ALS2: variants seen among roughly 807,000 people sequenced by gnomAD.
ALS2 encodes alsin.
A neutral mutation model predicts 203.4 loss-of-function variants in ALS2; 117 were observed. The ratio of observed to expected loss-of-function variants is 0.58; its 90% CI spans 0.50 to 0.67. ALS2 has a LOEUF of 0.67. ALS2 is among the 30% of genes least tolerant of loss of function. ALS2 has a pLI of 0.00. For synonymous variants in ALS2, 718 were observed against 725.9 expected (o/e 0.99, Z 0.17); for missense variants, 1,715 against 1,989.4 (o/e 0.86, Z 2.62).
intron 13 of ALS2, among the ~76,000 whole-genome samples, chr2:201,732,521 T>C (rs1188848608): frequency 1.3e-5 from 2 of 151,952 alleles, no homozygotes; most frequent in East Asian, 1.9e-4. Context: ...TGAGCCAAGA[T>C]TGCGCCACTG....
chr2:201,710,861 T>C (rs182271542), intron 26 of ALS2, 130 bp downstream of exon 26: 23 of 673,796 alleles, frequency 3.4e-5, no homozygotes, highest in Admixed American at 2.3e-4. Flanking sequence ...GTTTGATAAT[T>C]AACAAAAGAA....
chr2:201,732,399 C>CAAAAAAAAAAA (rs11288102), intron 13 of ALS2, among the ~76,000 whole-genome samples: 5 of 85,122 alleles, frequency 5.9e-5, no homozygotes, highest in African/African-American at 1.7e-4. Context: ...ACTAAAAATA[C>CAAAAAAAAAAA]AAAAAAAAAA....
At chr2:201,771,054 T>C in intron 1 of ALS2, among the ~76,000 whole-genome samples, 1 of 150,618 alleles carries the variant, frequency 6.6e-6, no homozygotes, top group Non-Finnish European at 1.5e-5. Flanking sequence ...TTTTTTTTTT[T>C]TTTTTTTTTG....
intron 9 of ALS2, among the ~76,000 whole-genome samples, chr2:201,745,444 G>A (rs1308451948): frequency 6.6e-6 from 1 of 152,056 alleles, no homozygotes; most frequent in Non-Finnish European, 1.5e-5. Context: ...AAGCCCATAT[G>A]CTATTTTACT....
At chr2:201,704,705 T>C in intron 31 of ALS2, 102 bp from the exon 32 acceptor site, 6 of 1,314,952 alleles carry the variant, frequency 4.6e-6, no homozygotes, top group Non-Finnish European at 5.5e-6. Flanking sequence ...TCACATGCCT[T>C]AACCCGGACA....
intron 9 of ALS2, among the ~76,000 whole-genome samples, chr2:201,745,957 A>T (rs189557625): frequency 2.0e-5 from 3 of 152,290 alleles, no homozygotes; most frequent in African/African-American, 7.2e-5. Context: ...TCAAAAAAAT[A>T]AATTAATTAA....
chr2:201,705,234 A>C (rs1574655485), intron 30 of ALS2, 34 bp from the exon 31 acceptor site: 2 of 1,602,772 alleles, frequency 1.2e-6, no homozygotes, highest in Non-Finnish European at 1.7e-6. Context: ...AAGGAGGAAA[A>C]CTATTTTCTG....
Position 201,761,061 on chromosome 2 carries a change from C to A in ALS2, c.933G>T (p.Gln311His). Residue 311 changes from glutamine (Q) to histidine (H), a missense_variant, in exon 4 of 34, where the codon CAG (glutamine) becomes CAT (histidine). By Grantham distance (24) the Gln-to-His change is conservative. Transcript: ENST00000264276. Reference protein sequence around the residue: ...VATELNAVSAQITSSDAMSSQ... With the variant: ...VATELNAVSAHITSSDAMSSQ... ...AGGACATGGCATCGCTGCTTGTGAT[C>A]TGAGCACTTACTGCATTCAGTTCAG... 1 of 1,614,164 alleles carries A rather than the reference C, an allele frequency of 6.2e-7. No homozygotes were observed. Among genetic ancestry groups the A allele is most frequent in the South Asian group, 1.1e-5 (1 of 91,082 alleles).
At chr2:201,740,651 A>T (rs1692212045) in intron 11 of ALS2, among the ~76,000 whole-genome samples, 1 of 152,200 alleles carries the variant, frequency 6.6e-6, no homozygotes, top group Admixed American at 6.5e-5. Flanking sequence ...CCTCTTTGAC[A>T]ACAGCTTCAA....
At chr2:201,759,590 CT>C in intron 4 of ALS2, 1 of 983,278 alleles carries the variant, frequency 1.0e-6, no homozygotes, top group South Asian at 4.7e-5. Flanking sequence ...TACATGCATT[CT>C]TGTTAAACTA....
At chr2:201,762,764 GGGCCCAGAGGCCC>G (rs553876933) in intron 3 of ALS2, 108 of 152,614 alleles carry the variant, frequency 7.1e-4, no homozygotes, top group Middle Eastern at 3.4e-3. Flanking sequence ...GGCAGCAGGA[GGGCCCAGAGGCCC>G]CAGAGACCCT....
At chr2:201,715,444 T>A (rs978127093) in intron 25 of ALS2, among the ~76,000 whole-genome samples, 1 of 152,254 alleles carries the variant, frequency 6.6e-6, no homozygotes, top group African/African-American at 2.4e-5. Context: ...TCAATCTACT[T>A]GTTGATATTT....
intron 7 of ALS2, among the ~76,000 whole-genome samples, chr2:201,750,800 A>C (rs898808033): frequency 1.3e-5 from 2 of 151,842 alleles, no homozygotes; most frequent in Admixed American, 1.3e-4. Context: ...CTAGAACTCT[A>C]CTGTGCATAT....
chr2:201,706,728 T>A, intron 29 of ALS2, 118 bp downstream of exon 29: 1 of 1,034,308 alleles, frequency 9.7e-7, no homozygotes, highest in Non-Finnish European at 1.4e-6. Flanking sequence ...AGAAGACATA[T>A]GCAAAAAATA....
chr2:201,706,294 G>A (rs115219115), intron 29 of ALS2, among the ~76,000 whole-genome samples: 1,560 of 151,908 alleles, frequency 0.01, 8 homozygotes, highest in Non-Finnish European at 0.015. Flanking sequence ...GGTGGGGCAT[G>A]AGAATTGCTT....
At chr2:201,768,701 A>T (rs1350445684) in intron 2 of ALS2, among the ~76,000 whole-genome samples, 165 bp downstream of exon 2, 4 of 152,202 alleles carry the variant, frequency 2.6e-5, no homozygotes, top group African/African-American at 9.6e-5. Flanking sequence ...ACAACTAACA[A>T]GCCTTTTTAA....
intron 2 of ALS2, 108 bp from the exon 3 acceptor site, chr2:201,767,491 G>T: frequency 8.0e-7 from 1 of 1,248,174 alleles, no homozygotes; most frequent in Non-Finnish European, 1.1e-6. Flanking sequence ...GGATGACTAG[G>T]TCAGATAGCT....
At position 201,738,872 on chromosome 2, in the gene ALS2, T is replaced by A. The variant is rs1010402946; in HGVS notation, c.2352-137A>T. The A allele has an allele frequency of 1.1e-5, 8 of 757,288 alleles. No homozygotes were observed. In the African/African-American group the frequency reaches 1.4e-4, roughly 13 times the overall value. 46.9% of individuals were successfully genotyped at this position (757,288 alleles called of 1,614,324 possible). A position where few individuals can be genotyped will look rare whatever the true frequency, so the allele number is the denominator to read the frequency against. ...AGAAGTTTTGTGATGTCAACATTTG[T>A]GAAGGGCAGGTTGTGTAATAATTAC... On this transcript the variant is annotated intron_variant, in intron 11 of 33. Coordinates refer to ENST00000264276, the MANE Select transcript of ALS2 (RefSeq NM_020919.4).
At chr2:201,720,714 AACACAC>A (rs146362505) in intron 23 of ALS2, among the ~76,000 whole-genome samples, 30,333 of 148,976 alleles carry the variant, frequency 0.2, 3,470 homozygotes, top group East Asian at 0.38. Flanking sequence ...ACACTATCTC[AACACAC>A]ACACACACAC....
Sources: gnomAD v4.1 joint callset for allele counts (sites outside exome capture counted in the v4.1 genomes callset) on GRCh38, gnomAD v4.1.1 for gene constraint, MANE v1.5 for transcripts, NCBI Gene and HGNC (gene_info 2026-07-23, HGNC 2026-07-21) for gene names.